Variants in USP18 observed in about 807,000 individuals in gnomAD.
The protein encoded by USP18 is ubiquitin specific peptidase 18.
Under a neutral mutation model 48.7 loss-of-function variants are expected in USP18, and 11 were observed. The observed-to-expected ratio is 0.23, with a 90% CI of 0.14 to 0.37. The LOEUF (loss-of-function observed/expected upper bound fraction) is 0.37. Ranked by LOEUF, USP18 falls within the 10% of genes least tolerant of loss-of-function variation. USP18 has a pLI of 1.00. For synonymous variants in USP18, 114 were observed against 163.2 expected (o/e 0.70, Z 2.30); for missense variants, 285 against 436.4 (o/e 0.65, Z 3.09).
chr22:18,173,663 G>A, intron 9 of USP18, 130 bp from the exon 10 acceptor site: 1 of 1,310,566 alleles, frequency 7.6e-7, no homozygotes, highest in Admixed American at 2.2e-5. Context: ...TCCTGCTGCT[G>A]TTGCTCCAGG....
chr22:18,159,867 C>T (rs371175884), intron 2 of USP18, among the ~76,000 whole-genome samples: 3 of 152,102 alleles, frequency 2.0e-5, no homozygotes, highest in South Asian at 2.1e-4. Flanking sequence ...TTAGTAGAGA[C>T]GGGGTTTCAC....
chr22:18,160,316 CT>C, intron 3 of USP18, 48 bp downstream of exon 3: 3 of 1,605,936 alleles, frequency 1.9e-6, no homozygotes, highest in Non-Finnish European at 2.6e-6. Flanking sequence ...TTTCTTTTTC[CT>C]TTTTTTGAGA....
chr22:18,174,431 C>G (rs190108380), intron 10 of USP18, among the ~76,000 whole-genome samples: 1 of 151,756 alleles, frequency 6.6e-6, no homozygotes, highest in African/African-American at 2.4e-5. Flanking sequence ...GGTGTTTCAC[C>G]ATGTTGGCCA....
At chr22:18,151,453 G>T (rs1213165845) in intron 1 of USP18, among the ~76,000 whole-genome samples, 1 of 152,162 alleles carries the variant, frequency 6.6e-6, no homozygotes, top group Non-Finnish European at 1.5e-5. Flanking sequence ...GCAGGTTACC[G>T]ATGTGTTCGC....
intron 1 of USP18, among the ~76,000 whole-genome samples, chr22:18,151,089 T>C (rs1928988268): frequency 7.1e-6 from 1 of 140,940 alleles, no homozygotes; most frequent in Non-Finnish European, 1.5e-5. Flanking sequence ...CATACAAATA[T>C]ATCGGTGGAA....
At chr22:18,170,450 G>A (rs1030352531) in intron 7 of USP18, among the ~76,000 whole-genome samples, 81 of 152,338 alleles carry the variant, frequency 5.3e-4, no homozygotes, top group Non-Finnish European at 9.4e-4. Context: ...GAGAGCAGCC[G>A]GCAGGGCGTT....
intron 8 of USP18, 88 bp from the exon 9 acceptor site, chr22:18,173,062 A>G (rs1387319866): frequency 6.3e-7 from 1 of 1,593,492 alleles, no homozygotes; most frequent in Non-Finnish European, 8.5e-7. Context: ...AAAGTCCCAG[A>G]GTCGGGCCTA....
At chr22:18,156,977 C>T (rs535897025) in intron 1 of USP18, among the ~76,000 whole-genome samples, 1 of 152,356 alleles carries the variant, frequency 6.6e-6, no homozygotes, top group Non-Finnish European at 1.5e-5. Context: ...ACGGGTACCC[C>T]TATGGCCACT....
intron 1 of USP18, among the ~76,000 whole-genome samples, chr22:18,156,465 ACACT>A (rs908411600): frequency 2.6e-5 from 4 of 152,136 alleles, no homozygotes; most frequent in African/African-American, 9.7e-5. Flanking sequence ...ATGAACTGTA[ACACT>A]CACCGCGAAG....
At chr22:18,157,363 A>C (rs1208053724) in intron 1 of USP18, among the ~76,000 whole-genome samples, 195 bp from the exon 2 acceptor site, 1 of 152,180 alleles carries the variant, frequency 6.6e-6, no homozygotes, top group East Asian at 1.9e-4. Flanking sequence ...GTCGGCTCTG[A>C]GGATGAATGG....
intron 4 of USP18, among the ~76,000 whole-genome samples, chr22:18,162,287 GT>G (rs869289414): frequency 0.03 from 4,106 of 137,194 alleles, 73 homozygotes; most frequent in Admixed American, 0.054. Context: ...AATAGGTTAG[GT>G]TTTTTTTTTT....
chr22:18,162,049 C>A, intron 4 of USP18, 114 bp downstream of exon 4: 1 of 1,372,832 alleles, frequency 7.3e-7, no homozygotes. Flanking sequence ...GTTAGGTAGC[C>A]TGGACCCCTC....
chr22:18,168,935 TC>T (rs1929555114), intron 6 of USP18, among the ~76,000 whole-genome samples: 1 of 152,094 alleles, frequency 6.6e-6, no homozygotes, highest in African/African-American at 2.4e-5. Context: ...CTCATACTGC[TC>T]CCTTAATAGG....
At position 18,169,929 on chromosome 22, in the gene USP18, G is replaced by T. The variant is rs373096161; in HGVS notation, c.713G>T (p.Arg238Leu). The T allele has an allele frequency of 1.3e-5, 20 of 1,598,350 alleles. No homozygotes were observed. The African/African-American group carries it at 1.6e-4, about 13-fold the overall frequency. Reference protein sequence around the residue: ...CFCENCGKKTRGKQVLKLTHL... With the variant: ...CFCENCGKKTLGKQVLKLTHL... ...TGTGAGAACTGTGGGAAGAAGACCC[G>T]TGGGAAACAGGTACTCATTCCCTAA... The change falls in exon 7 of 11, where the codon CGT becomes CTT. Residue 238 changes from arginine to leucine, a missense_variant. By Grantham distance (102) the Arg-to-Leu change is moderately radical. Around this residue, in one of 5 missense-constraint regions of USP18, gnomAD observed 34 missense variants for 94.8 expected, o/e 0.36. Coordinates refer to ENST00000215794, the MANE Select transcript of USP18 (RefSeq NM_017414.4).
At chr22:18,150,850 G>A (rs1026875936) in intron 1 of USP18, among the ~76,000 whole-genome samples, 1 of 152,202 alleles carries the variant, frequency 6.6e-6, no homozygotes, top group African/African-American at 2.4e-5. Context: ...TACTCGGGAG[G>A]CTGAGGCAGG....
At chr22:18,174,938 G>A (rs981853300) in intron 10 of USP18, among the ~76,000 whole-genome samples, 1 of 152,038 alleles carries the variant, frequency 6.6e-6, no homozygotes, top group African/African-American at 2.4e-5. Context: ...TTTTGAGATG[G>A]AGTCTTGCTC....
At chr22:18,157,493 A>G in intron 1 of USP18, 65 bp from the exon 2 acceptor site, 1 of 827,212 alleles carries the variant, frequency 1.2e-6, no homozygotes, top group Non-Finnish European at 1.9e-6. Context: ...TGGCATCAGA[A>G]CGGATTACAT....
intron 1 of USP18, among the ~76,000 whole-genome samples, chr22:18,153,735 G>A (rs949786504): frequency 6.6e-6 from 1 of 152,130 alleles, no homozygotes; most frequent in Admixed American, 6.5e-5. Context: ...GGTGTGAACT[G>A]CCATGCCTGG....
At chr22:18,174,979 T>C (rs914727869) in intron 10 of USP18, among the ~76,000 whole-genome samples, 1 of 152,166 alleles carries the variant, frequency 6.6e-6, no homozygotes, top group African/African-American at 2.4e-5. Flanking sequence ...AGTAGCAGGA[T>C]CTCAGCTCAT....
Sources: allele counts gnomAD v4.1 joint callset (sites outside exome capture counted in the v4.1 genomes callset), GRCh38; gene constraint gnomAD v4.1.1; regional missense constraint gnomAD v4.1.1; transcripts MANE v1.5; gene names NCBI Gene and HGNC (gene_info 2026-07-23, HGNC 2026-07-21).